Variants in FRAS1 observed in about 807,000 individuals in gnomAD.
FRAS1 encodes Fraser extracellular matrix complex subunit 1.
A neutral mutation model predicts 435.2 loss-of-function variants in FRAS1; 290 were observed. The ratio of observed to expected loss-of-function variants is 0.67; its 90% confidence interval spans 0.61 to 0.73. The LOEUF (loss-of-function observed/expected upper bound fraction) is 0.73. Among genes scored for constraint, FRAS1 ranks in the 30% least tolerant of loss-of-function variants. FRAS1 has a pLI of 0.00. For missense variants in FRAS1, 4,860 were observed against 5,001.5 expected (o/e 0.97, Z 0.85); for synonymous variants, 1,800 against 1,851.0 (o/e 0.97, Z 0.71).
intron 2 of FRAS1, among the ~76,000 whole-genome samples, chr4:78,171,322 G>A (rs1721547990): frequency 6.6e-6 from 1 of 152,140 alleles, no homozygotes; most frequent in South Asian, 2.1e-4. Context: ...CCAGAATGGA[G>A]ATTTGAACCT....
intron 27 of FRAS1, 147 bp downstream of exon 27, chr4:78,380,143 T>C: frequency 1.2e-6 from 1 of 850,544 alleles, no homozygotes; most frequent in Non-Finnish European, 1.8e-6. Flanking sequence ...TACTCTCAGC[T>C]GCCTGTCATC....
At chr4:78,303,350 T>C (rs1728524065) in intron 14 of FRAS1, among the ~76,000 whole-genome samples, 1 of 152,228 alleles carries the variant, frequency 6.6e-6, no homozygotes. Flanking sequence ...GGCTCTTTTT[T>C]GGTTCCATAT....
chr4:78,189,992 T>C (rs994086414), intron 2 of FRAS1, among the ~76,000 whole-genome samples: 2 of 152,234 alleles, frequency 1.3e-5, no homozygotes, highest in African/African-American at 4.8e-5. Flanking sequence ...GCATTAGCCA[T>C]CTAACCTGGT....
At chr4:78,358,297 A>C (rs437057) in intron 20 of FRAS1, among the ~76,000 whole-genome samples, 25,814 of 152,176 alleles carry the variant, frequency 0.17, 2,885 homozygotes, top group African/African-American at 0.32. Flanking sequence ...AAATTAGCCA[A>C]GGTTGGTTTA....
intron 14 of FRAS1, among the ~76,000 whole-genome samples, chr4:78,298,672 G>A (rs1227862380): frequency 6.6e-6 from 1 of 152,188 alleles, no homozygotes; most frequent in Non-Finnish European, 1.5e-5. Context: ...TATATCTTAA[G>A]ACTATGACCT....
intron 18 of FRAS1, among the ~76,000 whole-genome samples, chr4:78,327,290 C>G (rs567006669): frequency 5.3e-5 from 8 of 152,088 alleles, no homozygotes; most frequent in Non-Finnish European, 8.8e-5. Context: ...TAGCCCTTAT[C>G]ACCGTACTCC....
At chr4:78,103,871 T>G (rs1742254905) in intron 2 of FRAS1, among the ~76,000 whole-genome samples, 1 of 152,230 alleles carries the variant, frequency 6.6e-6, no homozygotes, top group African/African-American at 2.4e-5. Flanking sequence ...TATAGCGGCC[T>G]AAATGGACTA....
intron 2 of FRAS1, among the ~76,000 whole-genome samples, chr4:78,164,689 T>C (rs1378703836): frequency 6.6e-6 from 1 of 152,170 alleles, no homozygotes; most frequent in Non-Finnish European, 1.5e-5. Flanking sequence ...TACTTAGATA[T>C]AGGTACAACT....
At chr4:78,474,027 T>C (rs1719791093) in intron 53 of FRAS1, among the ~76,000 whole-genome samples, 1 of 152,164 alleles carries the variant, frequency 6.6e-6, no homozygotes, top group Non-Finnish European at 1.5e-5. Context: ...GTAGAACTGA[T>C]AGGAAAAATA....
intron 35 of FRAS1, among the ~76,000 whole-genome samples, chr4:78,428,893 A>G (rs1041495291): frequency 6.6e-6 from 1 of 152,200 alleles, no homozygotes; most frequent in African/African-American, 2.4e-5. Context: ...AGAAAAAAGA[A>G]TAGCTCACAG....
chr4:78,340,173 A>G (rs1298646737), intron 20 of FRAS1, among the ~76,000 whole-genome samples: 1 of 152,182 alleles, frequency 6.6e-6, no homozygotes, highest in Non-Finnish European at 1.5e-5. Flanking sequence ...GAATCACGGG[A>G]CTGAGCTAAA....
At chr4:78,521,358 C>G (rs1341819976) in intron 67 of FRAS1, among the ~76,000 whole-genome samples, 165 bp from the exon 68 acceptor site, 1 of 151,676 alleles carries the variant, frequency 6.6e-6, no homozygotes, top group African/African-American at 2.4e-5. Context: ...AGCTGTCATA[C>G]AATTTTAATT....
chr4:78,125,104 C>G (rs182950369), intron 2 of FRAS1, among the ~76,000 whole-genome samples: 1 of 152,306 alleles, frequency 6.6e-6, no homozygotes, highest in African/African-American at 2.4e-5. Context: ...TAGATCTCTC[C>G]TGCTTTCTCT....
chr4:78,345,349 A>C (rs903847906), intron 20 of FRAS1, among the ~76,000 whole-genome samples: 31 of 152,204 alleles, frequency 2.0e-4, no homozygotes, highest in African/African-American at 7.0e-4. Context: ...GATGGTCCTC[A>C]AGAACTGTTG....
chr4:78,419,231 T>A (rs1283934814), intron 33 of FRAS1, among the ~76,000 whole-genome samples, 168 bp downstream of exon 33: 1 of 152,208 alleles, frequency 6.6e-6, no homozygotes, highest in East Asian at 1.9e-4. Flanking sequence ...AGTTTAGAAC[T>A]AATTGAGAGA....
At chr4:78,326,362 T>G (rs939204319) in intron 18 of FRAS1, among the ~76,000 whole-genome samples, 5 of 152,066 alleles carry the variant, frequency 3.3e-5, no homozygotes, top group Admixed American at 1.3e-4. Context: ...TTAGGATAAC[T>G]CCAAGGTTTC....
chr4:78,332,867 A>G (rs1174708980), intron 18 of FRAS1, among the ~76,000 whole-genome samples: 3 of 152,226 alleles, frequency 2.0e-5, no homozygotes, highest in Non-Finnish European at 4.4e-5. Flanking sequence ...CAATAAGTGA[A>G]GCTCTCACCA....
At chr4:78,368,637 A>G (rs1222459982) in intron 22 of FRAS1, among the ~76,000 whole-genome samples, 1 of 152,222 alleles carries the variant, frequency 6.6e-6, no homozygotes, top group Non-Finnish European at 1.5e-5. Context: ...GCAGCCTAAA[A>G]GATACAAATG....
intron 2 of FRAS1, among the ~76,000 whole-genome samples, chr4:78,155,399 C>G (rs1720843347): frequency 6.6e-6 from 1 of 152,018 alleles, no homozygotes; most frequent in African/African-American, 2.4e-5. Context: ...TAGTTTTGCT[C>G]CAGACACATT....
Sources: allele counts gnomAD v4.1 joint callset (sites outside exome capture counted in the v4.1 genomes callset), GRCh38; gene constraint gnomAD v4.1.1; transcripts MANE v1.5; gene names NCBI Gene and HGNC (gene_info 2026-07-23, HGNC 2026-07-21).